Variants in PIK3CA observed in about 807,000 individuals in gnomAD.
PIK3CA encodes the protein phosphatidylinositol-4,5-bisphosphate 3-kinase catalytic subunit alpha.
Under a neutral mutation model 138.2 loss-of-function variants are expected in PIK3CA, and 27 were observed. That is an observed-to-expected ratio of 0.20 (90% CI 0.14 to 0.27). PIK3CA has a LOEUF of 0.27. PIK3CA is among the 10% of genes least tolerant of loss of function. The probability of loss-of-function intolerance (pLI) is 1.00; values close to 1 mark genes in which losing one functional copy is unlikely to be tolerated. For synonymous variants in PIK3CA, 358 were observed against 413.2 expected, an observed-to-expected ratio of 0.87 and a Z score of 1.62; for missense variants, 544 against 1,277.4, an observed-to-expected ratio of 0.43 and a Z score of 8.75.
intron 20 of PIK3CA, among the ~76,000 whole-genome samples, chr3:179,231,629 A>ATTT (rs1725213710): frequency 2.1e-5 from 1 of 48,304 alleles, no homozygotes; most frequent in African/African-American, 1.3e-4. Flanking sequence ...TCCTTAGCCC[A>ATTT]CTTTTTTTTT....
At chr3:179,183,511 G>C (rs773761343) in intron 1 of PIK3CA, among the ~76,000 whole-genome samples, 11 of 152,144 alleles carry the variant, frequency 7.2e-5, no homozygotes, top group Non-Finnish European at 1.6e-4. Context: ...AAGTTGTTTT[G>C]ACCAATAAAT....
chr3:179,163,956 G>A (rs1009113193), intron 1 of PIK3CA, among the ~76,000 whole-genome samples: 11 of 152,086 alleles, frequency 7.2e-5, no homozygotes, highest in Admixed American at 1.3e-4. Flanking sequence ...TCAACATACA[G>A]TTTGACCCAA....
At chr3:179,233,541 AG>A (rs1725260107) in intron 20 of PIK3CA, among the ~76,000 whole-genome samples, 1 of 152,200 alleles carries the variant, frequency 6.6e-6, no homozygotes, top group East Asian at 1.9e-4. Context: ...AACACATTAA[AG>A]GTTTTTATTT....
rs1488263335 is a variant in PIK3CA, at chr3:179,234,076, T to C, written c.2937-18T>C. On this transcript the variant is annotated intron_variant, in intron 20 of 20. Coordinates refer to ENST00000263967, the MANE Select transcript of PIK3CA (RefSeq NM_006218.4). This position sits in a 1 kb window ranked among gnomAD's most constrained non-coding sequence, Gnocchi z 5.1. ...ATCATTTGCTCCAAACTGACCAAAC[T>C]GTTCTTATTACTTATAGGTTTCAGG... 1.3e-6 allele frequency: 2 copies of C among 1,579,448 alleles called. No individual in the cohort carries two copies. The highest frequency in any genetic ancestry group is 1.4e-5 in the African/African-American group (1 of 73,980).
At chr3:179,192,178 G>A (rs1415605991) in intron 1 of PIK3CA, among the ~76,000 whole-genome samples, 1 of 152,148 alleles carries the variant, frequency 6.6e-6, no homozygotes, top group Non-Finnish European at 1.5e-5. Context: ...ATTAGCAAAA[G>A]GGCATATCCA....
At chr3:179,157,422 T>A (rs1171439434) in intron 1 of PIK3CA, among the ~76,000 whole-genome samples, 1 of 152,148 alleles carries the variant, frequency 6.6e-6, no homozygotes, top group Non-Finnish European at 1.5e-5. Context: ...ATATTAGTAA[T>A]TTTACAGTGT....
intron 1 of PIK3CA, among the ~76,000 whole-genome samples, chr3:179,166,782 C>T (rs562021792): frequency 1.3e-5 from 2 of 152,144 alleles, no homozygotes; most frequent in South Asian, 2.1e-4. Context: ...TGTGTTTAGC[C>T]TTACTGTAGA....
intron 9 of PIK3CA, among the ~76,000 whole-genome samples, chr3:179,211,186 A>T (rs114010170): frequency 0.03 from 4,496 of 152,334 alleles, 92 homozygotes; most frequent in African/African-American, 0.051. Context: ...ATTTATCAAA[A>T]CATACACACA....
chr3:179,194,501 G>T (rs1322426484), intron 1 of PIK3CA, among the ~76,000 whole-genome samples: 1 of 152,140 alleles, frequency 6.6e-6, no homozygotes, highest in African/African-American at 2.4e-5. Context: ...TTACAGGTGT[G>T]AGCCACAACC....
intron 1 of PIK3CA, among the ~76,000 whole-genome samples, chr3:179,194,439 G>T (rs150270689): frequency 6.6e-6 from 1 of 152,024 alleles, no homozygotes; most frequent in Non-Finnish European, 1.5e-5. Context: ...GGCTGGTCTC[G>T]AACTCCTCAG....
intron 1 of PIK3CA, among the ~76,000 whole-genome samples, chr3:179,173,340 C>T (rs149258028): frequency 0.033 from 4,708 of 143,394 alleles, 247 homozygotes; most frequent in African/African-American, 0.12. Flanking sequence ...GGGTTGATCA[C>T]GAGGTCAGGA....
intron 1 of PIK3CA, among the ~76,000 whole-genome samples, chr3:179,172,861 C>T (rs910989260): frequency 2.8e-4 from 43 of 151,992 alleles, no homozygotes; most frequent in African/African-American, 9.7e-4. Context: ...AAAACATAAC[C>T]ACACATAAAA....
chr3:179,227,429 A>G (rs968061807), intron 17 of PIK3CA, among the ~76,000 whole-genome samples: 6 of 151,998 alleles, frequency 3.9e-5, no homozygotes, highest in Admixed American at 3.3e-4. Flanking sequence ...ATATTTCCCT[A>G]TTTACGAGGG....
At chr3:179,165,499 C>T (rs568416622) in intron 1 of PIK3CA, among the ~76,000 whole-genome samples, 7 of 152,090 alleles carry the variant, frequency 4.6e-5, no homozygotes, top group Non-Finnish European at 8.8e-5. Context: ...TTAAGTAGTC[C>T]TCCCACCTCC....
intron 1 of PIK3CA, among the ~76,000 whole-genome samples, chr3:179,157,348 A>C (rs2699906): frequency 0.19 from 28,253 of 152,092 alleles, 2,946 homozygotes; most frequent in Non-Finnish European, 0.25. Flanking sequence ...GTTGAACATG[A>C]CTTTTTCAAA....
rs1201113303 is a variant in PIK3CA, at chr3:179,224,069, T to C, written c.2188-12T>C. 6.8e-7 allele frequency: 1 copy of C among 1,460,192 alleles called. No individual in the cohort carries two copies. Among genetic ancestry groups the C allele is most frequent in the Non-Finnish European group, 9.6e-7 (1 of 1,044,844 alleles). The allele number at this position is 1,460,192 out of a possible 1,614,324, so 90.5% of individuals were successfully genotyped here. On this transcript the variant is annotated splice_polypyrimidine_tract_variant and intron_variant, in intron 14 of 20. Coordinates refer to ENST00000263967, the MANE Select transcript of PIK3CA (RefSeq NM_006218.4). The stretch of plus-strand genomic sequence containing the variant: ...CAGTTTCTTACTGTGACTATCCTTT[T>C]TTTTTAATCAGGTACAGATGAAGTT...
chr3:179,214,694 A>C (rs1724797348), intron 9 of PIK3CA, among the ~76,000 whole-genome samples: 1 of 152,152 alleles, frequency 6.6e-6, no homozygotes, highest in Admixed American at 6.5e-5. Flanking sequence ...ACAAACCTTC[A>C]GTTTGTTGGA....
At position 179,201,484 on chromosome 3, in the gene PIK3CA, A is replaced by C; in HGVS notation, c.757A>C (p.Lys253Gln). The change falls in exon 4 of 21, where the codon AAA becomes CAA. Residue 253 changes from lysine to glutamine, a missense_variant. Lys to Gln is a moderately conservative substitution (Grantham distance 53). Transcript: ENST00000263967. ...VLEYQGKYILKVCGCDEYFLE... is the reference protein window; with the variant it reads ...VLEYQGKYILQVCGCDEYFLE... ...AGAATATCAGGGCAAGTATATTTTA[A>C]AAGTGTGTGGATGTGATGAATACTT... is the stretch of plus-strand genomic sequence containing the variant. 1 of 1,611,974 alleles carries C rather than the reference A, an allele frequency of 6.2e-7. No homozygotes were observed. The highest frequency in any genetic ancestry group is 8.5e-7 in the Non-Finnish European group (1 of 1,178,090).
At chr3:179,209,785 GTTATT>G in intron 7 of PIK3CA, 85 bp downstream of exon 7, 2 of 639,082 alleles carry the variant, frequency 3.1e-6, no homozygotes, top group Non-Finnish European at 5.3e-6. Flanking sequence ...CAAATTGGAT[GTTATT>G]TTATATTTAA....
Sources: gnomAD v4.1 joint callset for allele counts (sites outside exome capture counted in the v4.1 genomes callset) on GRCh38, gnomAD v4.1.1 for gene constraint, Gnocchi (gnomAD v3.1) non-coding constraint, MANE v1.5 for transcripts, NCBI Gene and HGNC (gene_info 2026-07-23, HGNC 2026-07-21) for gene names.